SHANK2: variants seen among roughly 807,000 people sequenced by gnomAD.
The protein encoded by SHANK2 is SH3 and multiple ankyrin repeat domains 2, also known as SH3 and multiple ankyrin repeat domains protein 2.
In SHANK2, 43 loss-of-function variants were observed where a neutral mutation model predicts 133.7. The observed-to-expected ratio is 0.32, with a 90% CI of 0.25 to 0.41. The LOEUF (loss-of-function observed/expected upper bound fraction) is 0.41, where lower values mean the gene tolerates loss of function less well. Among genes scored for constraint, SHANK2 ranks in the 10% least tolerant of loss-of-function variants. The pLI is 1.00. For synonymous variants in SHANK2, 1,017 were observed against 952.8 expected (o/e 1.07, Z -1.24); for missense variants, 1,994 against 2,235.8 (o/e 0.89, Z 2.18).
At chr11:70,854,739 C>T (rs898273980) in intron 11 of SHANK2, among the ~76,000 whole-genome samples, 22 of 152,270 alleles carry the variant, frequency 1.4e-4, no homozygotes, top group Non-Finnish European at 1.3e-4. Context: ...AATGGGGAGC[C>T]CAGGGAGAAA....
At chr11:71,127,253 T>G (rs1952210056) in intron 3 of SHANK2, among the ~76,000 whole-genome samples, 3 of 152,214 alleles carry the variant, frequency 2.0e-5, no homozygotes, top group Admixed American at 1.3e-4. Flanking sequence ...GGAAGTGGTT[T>G]CCCGAGATGC....
At chr11:70,870,224 G>A (rs1555069920) in intron 11 of SHANK2, among the ~76,000 whole-genome samples, 1 of 152,124 alleles carries the variant, frequency 6.6e-6, no homozygotes, top group African/African-American at 2.4e-5. Context: ...TCGTTCCAGG[G>A]GACTGAGAGA....
chr11:70,887,725 C>A (rs370444005), intron 11 of SHANK2, among the ~76,000 whole-genome samples: 2 of 152,294 alleles, frequency 1.3e-5, no homozygotes, highest in Middle Eastern at 3.4e-3. Flanking sequence ...AGGCTGTACA[C>A]GGCAAGTCAG....
At chr11:70,608,370 T>C (rs1490705758) in intron 17 of SHANK2, among the ~76,000 whole-genome samples, 3 of 152,164 alleles carry the variant, frequency 2.0e-5, no homozygotes, top group African/African-American at 7.2e-5. Context: ...GTAGGGGGCC[T>C]GCAGGCTTCC....
At chr11:70,477,705 T>C (rs893081414) in intron 25 of SHANK2, 1 of 152,182 alleles carries the variant, frequency 6.6e-6, no homozygotes, top group Admixed American at 6.5e-5. Context: ...GTTAATCACA[T>C]GGGCGTCAAG....
intron 15 of SHANK2, chr11:70,698,236 C>T (rs772738620): frequency 4.0e-5 from 8 of 201,150 alleles, no homozygotes; most frequent in Non-Finnish European, 8.2e-5. Flanking sequence ...GGCTCGCCTG[C>T]CCCCTTCCTT....
At chr11:70,589,750 C>T (rs543854893) in intron 17 of SHANK2, among the ~76,000 whole-genome samples, 8 of 152,260 alleles carry the variant, frequency 5.3e-5, no homozygotes, top group African/African-American at 1.9e-4. Flanking sequence ...AGTATGTCAA[C>T]ATGAGCAGGA....
chr11:70,797,710 G>A (rs1393300700), intron 14 of SHANK2, among the ~76,000 whole-genome samples: 3 of 152,192 alleles, frequency 2.0e-5, no homozygotes, highest in Non-Finnish European at 2.9e-5. Flanking sequence ...TGGCCGCAGC[G>A]TCCGTGGCCA....
intron 3 of SHANK2, among the ~76,000 whole-genome samples, chr11:71,128,683 C>T (rs74870973): frequency 0.029 from 4,450 of 152,300 alleles, 202 homozygotes; most frequent in African/African-American, 0.098. Context: ...TCCCGTCCCT[C>T]CTACTCCTCC....
intron 14 of SHANK2, among the ~76,000 whole-genome samples, chr11:70,774,317 G>A (rs1555043448): frequency 6.6e-6 from 1 of 150,868 alleles, no homozygotes; most frequent in Admixed American, 6.7e-5. Context: ...AAATCGGGGA[G>A]TGACTTTTGT....
Position 70,907,116 on chromosome 11 carries a change from C to T in SHANK2, c.1108-10549G>A, listed in dbSNP as rs117403231. Among the ~76,000 whole-genome samples, 141 of 152,338 alleles carry T rather than the reference C, an allele frequency of 9.3e-4. 1 individual carries two copies. The highest frequency in any genetic ancestry group is 1.7e-3 in the Non-Finnish European group (119 of 68,022). ...CAGGGGAGTCGTGGGCCAGGACCCCCGGCCAGAGGAAGCAGCTGGGGACTG... is the reference window on the plus strand; with the variant it reads ...CAGGGGAGTCGTGGGCCAGGACCCCTGGCCAGAGGAAGCAGCTGGGGACTG... On this transcript the variant is annotated intron_variant, in intron 10 of 25. Coordinates refer to ENST00000601538, the MANE Select transcript of SHANK2 (RefSeq NM_012309.5).
chr11:70,635,963 C>T (rs1555003852), intron 17 of SHANK2, among the ~76,000 whole-genome samples: 1 of 152,258 alleles, frequency 6.6e-6, no homozygotes, highest in African/African-American at 2.4e-5. Flanking sequence ...CCACATCCAC[C>T]CCTCCCGAAT....
At chr11:70,558,818 G>A (rs190553792) in intron 17 of SHANK2, among the ~76,000 whole-genome samples, 77 of 152,280 alleles carry the variant, frequency 5.1e-4, no homozygotes, top group Non-Finnish European at 9.1e-4. Context: ...GAGCACAGGA[G>A]GGCTCCGGCT....
chr11:70,607,940 T>G (rs1291247151), intron 17 of SHANK2, among the ~76,000 whole-genome samples: 1 of 152,200 alleles, frequency 6.6e-6, no homozygotes, highest in African/African-American at 2.4e-5. Flanking sequence ...TGCGTTCCTG[T>G]GGGGCAGCAT....
intron 15 of SHANK2, among the ~76,000 whole-genome samples, chr11:70,663,292 G>A (rs184049591): frequency 6.6e-6 from 1 of 152,218 alleles, no homozygotes; most frequent in Non-Finnish European, 1.5e-5. Flanking sequence ...CCCAGGTGCA[G>A]CCAGCTGGTG....
At chr11:70,851,570 G>A (rs1400027946) in intron 11 of SHANK2, among the ~76,000 whole-genome samples, 7 of 152,194 alleles carry the variant, frequency 4.6e-5, no homozygotes, top group African/African-American at 1.7e-4. Context: ...AATTGAGCAC[G>A]GAGTCCACAC....
Position 70,804,720 on chromosome 11 carries a change from G to GC in SHANK2, c.1663+2281dup, listed in dbSNP as rs1201352140. 3.3e-5 allele frequency among the ~76,000 whole-genome samples: 5 copies of GC among 152,042 alleles called. No homozygotes were observed. The South Asian group carries it at 6.2e-4, about 19-fold the overall frequency. On this transcript the variant is annotated intron_variant, in intron 13 of 25. Coordinates refer to ENST00000601538, the MANE Select transcript of SHANK2 (RefSeq NM_012309.5). The surrounding 1 kb of genome is among the most constrained non-coding windows in gnomAD (Gnocchi z 4.1). ...AACCCAGGGAGTTGGACAGGGGAAG[G>GC]CCCCCCCAGAGCTTCTGGGAATTAA...
chr11:70,555,869 G>A (rs192048572), intron 17 of SHANK2, among the ~76,000 whole-genome samples: 1 of 152,328 alleles, frequency 6.6e-6, no homozygotes, highest in African/African-American at 2.4e-5. Flanking sequence ...TTAAACCAAA[G>A]CCTAATCCAC....
chr11:71,232,642 T>C (rs1242489386), intron 1 of SHANK2, among the ~76,000 whole-genome samples: 10 of 151,756 alleles, frequency 6.6e-5, no homozygotes, highest in Non-Finnish European at 1.5e-5. Context: ...CAGTGAGGAG[T>C]GAATGTATTT....
Sources: gnomAD v4.1 joint callset for allele counts (sites outside exome capture counted in the v4.1 genomes callset) on GRCh38, gnomAD v4.1.1 for gene constraint, Gnocchi (gnomAD v3.1) non-coding constraint, MANE v1.5 for transcripts, NCBI Gene and HGNC (gene_info 2026-07-23, HGNC 2026-07-21) for gene names.